XKR9: variants seen among roughly 807,000 people sequenced by gnomAD.
XKR9 encodes the protein XK related 9, also known as XK-related protein 9.
XKR9 carries 32 observed loss-of-function variants against 32.0 expected under a neutral mutation model. The observed-to-expected ratio is 1.00, with a 90% CI of 0.76 to 1.34. The LOEUF (loss-of-function observed/expected upper bound fraction) is 1.34, where lower values mean the gene tolerates loss of function less well. Among genes scored for constraint, XKR9 ranks in the 40% most tolerant of loss-of-function variants. The pLI, the probability that XKR9 is intolerant of heterozygous loss-of-function variation, is 0.00. For missense variants in XKR9, 546 were observed against 429.7 expected, an observed-to-expected ratio of 1.27 and a Z score of -2.39; for synonymous variants, 168 against 143.4, an observed-to-expected ratio of 1.17 and a Z score of -1.22.
intron 2 of XKR9, among the ~76,000 whole-genome samples, chr8:70,772,153 A>G (rs576384005): frequency 1.3e-5 from 2 of 152,304 alleles, no homozygotes; most frequent in African/African-American, 4.8e-5. Flanking sequence ...ATTAAAATGC[A>G]TTTTCTTTAC....
chr8:70,975,807 C>T, the XKR9 span, among the ~76,000 whole-genome samples: 2 of 152,096 alleles, frequency 1.3e-5, no homozygotes, highest in Non-Finnish European at 2.9e-5. Flanking sequence ...ATGGGGATGG[C>T]ATTGAATCTA....
intron 2 of XKR9, among the ~76,000 whole-genome samples, chr8:70,789,176 G>T (rs766085595): frequency 2.6e-5 from 4 of 151,420 alleles, no homozygotes; most frequent in Admixed American, 2.0e-4. Context: ...AGGTCTGAAG[G>T]GAAATATCTA....
intron 4 of XKR9, among the ~76,000 whole-genome samples, chr8:70,727,809 G>T (rs1188378130): frequency 1.3e-5 from 2 of 151,858 alleles, no homozygotes; most frequent in Non-Finnish European, 2.9e-5. Flanking sequence ...CTGTCTTCTT[G>T]TACTGAATCA....
chr8:70,741,290 G>A (rs1290343434), intron 2 of XKR9, among the ~76,000 whole-genome samples: 1 of 152,318 alleles, frequency 6.6e-6, no homozygotes, highest in East Asian at 1.9e-4. Context: ...AGAGACCTGA[G>A]CTAGCACACT....
the XKR9 span, among the ~76,000 whole-genome samples, chr8:70,882,053 A>G: frequency 6.6e-6 from 1 of 152,164 alleles, no homozygotes; most frequent in Non-Finnish European, 1.5e-5. Flanking sequence ...CATAGGTGGG[A>G]ATTGAACAAT....
chr8:70,856,062 G>A, the XKR9 span, among the ~76,000 whole-genome samples: 11 of 152,140 alleles, frequency 7.2e-5, no homozygotes, highest in Admixed American at 7.2e-4. Flanking sequence ...GGAAGAAACT[G>A]CATCAACTAA....
intron 2 of XKR9, among the ~76,000 whole-genome samples, chr8:70,760,461 A>T (rs954305147): frequency 6.6e-6 from 1 of 152,148 alleles, no homozygotes; most frequent in Non-Finnish European, 1.5e-5. Context: ...AATATTTAGT[A>T]GTCACTATGC....
chr8:71,037,373 G>T, the XKR9 span, among the ~76,000 whole-genome samples: 1 of 152,016 alleles, frequency 6.6e-6, no homozygotes. Flanking sequence ...ATAGGTCAAA[G>T]GACTGCAGGA....
the XKR9 span, among the ~76,000 whole-genome samples, chr8:70,933,909 C>T: frequency 5.3e-5 from 8 of 152,074 alleles, no homozygotes; most frequent in African/African-American, 1.9e-4. Flanking sequence ...AACATACTTA[C>T]CCGATTCTCA....
chr8:70,781,535 G>T (rs1282770277), intron 2 of XKR9, among the ~76,000 whole-genome samples: 3 of 144,790 alleles, frequency 2.1e-5, no homozygotes, highest in Non-Finnish European at 3.1e-5. Context: ...TTTTCTATGA[G>T]TGAGACCCCA....
rs373528278 is a variant in XKR9, at chr8:70,717,616, G to T, written c.493+10463G>T. On this transcript the variant is annotated intron_variant, in intron 4 of 4. Coordinates refer to ENST00000408926, the MANE Select transcript of XKR9 (RefSeq NM_001011720.2). ...GCTGCATAGAGCAGGGGGCTCCTGG[G>T]TCCAGCCTACAAAACCATTTTTTCA... Among the ~76,000 whole-genome samples, 6 of 152,266 alleles carry T rather than the reference G, an allele frequency of 3.9e-5. No homozygotes were observed. The East Asian group carries it at 9.6e-4, about 24-fold the overall frequency.
intron 2 of XKR9, among the ~76,000 whole-genome samples, chr8:70,788,183 T>C (rs573289876): frequency 1.3e-5 from 2 of 152,222 alleles, no homozygotes; most frequent in South Asian, 2.1e-4. Flanking sequence ...TTTCCTGTGG[T>C]AAATAATAGC....
At chr8:70,733,402 C>T (rs1029241924) in intron 4 of XKR9, among the ~76,000 whole-genome samples, 1 of 151,984 alleles carries the variant, frequency 6.6e-6, no homozygotes, top group Non-Finnish European at 1.5e-5. Context: ...ACAGTCAAAA[C>T]ATCTAGAAAA....
the XKR9 span, among the ~76,000 whole-genome samples, chr8:70,813,624 G>A: frequency 6.6e-6 from 1 of 152,078 alleles, no homozygotes; most frequent in Non-Finnish European, 1.5e-5. Flanking sequence ...ATCAACAAGT[G>A]GGCAAAGGAT....
the XKR9 span, among the ~76,000 whole-genome samples, chr8:70,874,100 A>G: frequency 6.6e-6 from 1 of 152,340 alleles, no homozygotes; most frequent in African/African-American, 2.4e-5. Context: ...CTTTTTTAAG[A>G]CATAATGCTA....
At chr8:70,810,167 T>A in the XKR9 span, among the ~76,000 whole-genome samples, 1 of 152,148 alleles carries the variant, frequency 6.6e-6, no homozygotes, top group African/African-American at 2.4e-5. Flanking sequence ...TTTTCAACCC[T>A]GCATTTCATA....
chr8:70,674,352 A>G (rs537334456), intron 1 of XKR9, among the ~76,000 whole-genome samples: 2 of 152,366 alleles, frequency 1.3e-5, no homozygotes, highest in East Asian at 3.9e-4. Flanking sequence ...TCTAGACAGC[A>G]GTAAATAACC....
intron 3 of XKR9, among the ~76,000 whole-genome samples, chr8:70,694,447 G>C (rs902767576): frequency 8.5e-5 from 13 of 152,080 alleles, no homozygotes; most frequent in Admixed American, 7.9e-4. Context: ...AGCTTTGTTG[G>C]GGGTGGCTGG....
chr8:70,780,383 CA>C (rs1807598246), intron 2 of XKR9, among the ~76,000 whole-genome samples: 1 of 151,964 alleles, frequency 6.6e-6, no homozygotes, highest in Non-Finnish European at 1.5e-5. Flanking sequence ...AAATTTTCTT[CA>C]AAACGTTGTT....
Sources: allele counts gnomAD v4.1 joint callset (sites outside exome capture counted in the v4.1 genomes callset), GRCh38; gene constraint gnomAD v4.1.1; transcripts MANE v1.5; gene names NCBI Gene and HGNC (gene_info 2026-07-23, HGNC 2026-07-21).